Variants in IGSF21 observed in about 807,000 individuals in gnomAD.
The protein encoded by IGSF21 is immunoglobulin superfamily member 21.
IGSF21 carries 28 observed loss-of-function variants against 46.8 expected under a neutral mutation model. That is an observed-to-expected ratio of 0.60 (90% CI 0.44 to 0.82). The LOEUF is 0.82. IGSF21 is among the 40% of genes least tolerant of loss of function. The pLI is 0.00. For missense variants in IGSF21, 624 were observed against 665.5 expected (o/e 0.94, Z 0.69); for synonymous variants, 284 against 273.6 (o/e 1.04, Z -0.38).
intron 4 of IGSF21, among the ~76,000 whole-genome samples, chr1:18,353,085 A>G (rs1440107747): frequency 6.6e-6 from 1 of 151,666 alleles, no homozygotes; most frequent in East Asian, 1.9e-4. Context: ...ATAAGCACAG[A>G]CGCAGCGTTT....
intron 2 of IGSF21, among the ~76,000 whole-genome samples, chr1:18,274,843 C>T (rs527664107): frequency 6.6e-6 from 1 of 152,098 alleles, no homozygotes; most frequent in Non-Finnish European, 1.5e-5. Flanking sequence ...CTGGCCAACA[C>T]GGTGAAACCC....
intron 2 of IGSF21, among the ~76,000 whole-genome samples, chr1:18,271,170 A>C (rs12401665): frequency 0.24 from 36,513 of 151,836 alleles, 4,754 homozygotes; most frequent in African/African-American, 0.34. Context: ...TGCTTACATG[A>C]CTCTGAGGAT....
intron 4 of IGSF21, among the ~76,000 whole-genome samples, chr1:18,351,145 G>T (rs1386724961): frequency 6.6e-6 from 1 of 152,138 alleles, no homozygotes; most frequent in Admixed American, 6.5e-5. Context: ...CGCTGAGACG[G>T]AATCTTCAGC....
At position 18,329,350 on chromosome 1, in the gene IGSF21, T is replaced by C. The variant is rs1333286856; in HGVS notation, c.306-5542T>C. ...GGTGTCATAGCACCCATGTATCAGA[T>C]GGAGAAACCGAAGCTCAAAGAAGCC... is the stretch of plus-strand genomic sequence containing the variant. On this transcript the variant is annotated intron_variant, in intron 3 of 9. Transcript: ENST00000251296. Among the ~76,000 whole-genome samples, 3 of 152,204 alleles carry C rather than the reference T, an allele frequency of 2.0e-5. No individual in the cohort carries two copies. The South Asian group carries it at 6.2e-4, about 31-fold the overall frequency.
chr1:18,359,961 C>T (rs2086081984), intron 4 of IGSF21, among the ~76,000 whole-genome samples: 1 of 152,212 alleles, frequency 6.6e-6, no homozygotes, highest in South Asian at 2.1e-4. Flanking sequence ...GGCTCTTCCT[C>T]ATACTGGCAC....
At chr1:18,177,780 A>G (rs978839102) in intron 1 of IGSF21, among the ~76,000 whole-genome samples, 3 of 152,160 alleles carry the variant, frequency 2.0e-5, no homozygotes, top group African/African-American at 7.2e-5. Flanking sequence ...TGGCACATAT[A>G]TGTTAAAAAG....
chr1:18,128,666 G>A (rs567979644), intron 1 of IGSF21, among the ~76,000 whole-genome samples: 1 of 152,282 alleles, frequency 6.6e-6, no homozygotes, highest in Admixed American at 6.5e-5. Context: ...GGGCCCTACT[G>A]TATTCTCCAT....
rs2124607088 is a variant in IGSF21, at chr1:18,335,988, G to A, written c.424+978G>A. ...TCTGATAAAGGAACTAGCAGCGTTTGGGTGCCTGGCCCTGGGTTGGCCACA... is the reference window on the plus strand; with the variant it reads ...TCTGATAAAGGAACTAGCAGCGTTTAGGTGCCTGGCCCTGGGTTGGCCACA... On this transcript the variant is annotated intron_variant, in intron 4 of 9. Coordinates refer to ENST00000251296, the MANE Select transcript of IGSF21 (RefSeq NM_032880.5). The surrounding 1 kb of genome is among the most constrained non-coding windows in gnomAD (Gnocchi z 4.8). Among the ~76,000 whole-genome samples the A allele has an allele frequency of 6.6e-6, 1 of 152,316 alleles. No individual in the cohort carries two copies. Among genetic ancestry groups the A allele is most frequent in the African/African-American group, 2.4e-5 (1 of 41,582 alleles).
At chr1:18,114,527 C>T (rs1449061347) in intron 1 of IGSF21, 1 of 152,222 alleles carries the variant, frequency 6.6e-6, no homozygotes, top group Admixed American at 6.5e-5. Context: ...AGGTGGACTT[C>T]CTGGCAGCAA....
At chr1:18,232,554 G>A (rs528984204) in intron 2 of IGSF21, among the ~76,000 whole-genome samples, 5 of 152,232 alleles carry the variant, frequency 3.3e-5, no homozygotes, top group South Asian at 4.1e-4. Flanking sequence ...GAGGCCATTC[G>A]AAGAGACTGT....
rs967613235 is a variant in IGSF21, at chr1:18,264,190, G to A, written c.184-27676G>A. Among the ~76,000 whole-genome samples, 111 of 152,204 alleles carry A rather than the reference G, an allele frequency of 7.3e-4. 1 individual carries two copies. Among genetic ancestry groups the A allele is most frequent in the Non-Finnish European group, 4.4e-4 (30 of 68,018 alleles). On this transcript the variant is annotated intron_variant, in intron 2 of 9. Transcript: ENST00000251296. ...TGCAGTCCCCTCCTTCTGTATGAGG[G>A]GATGGCCCTATTTCCCCCTCTCTCA...
intron 1 of IGSF21, among the ~76,000 whole-genome samples, chr1:18,137,156 G>A (rs939312540): frequency 6.6e-6 from 1 of 152,198 alleles, no homozygotes; most frequent in African/African-American, 2.4e-5. Context: ...TGAAGGGGGA[G>A]CAGGTGCATT....
rs1242381754 is a variant in IGSF21 at position 18,334,235 on chromosome 1, C to T, written c.306-657C>T. 6.6e-6 allele frequency among the ~76,000 whole-genome samples: 1 copy of T among 152,202 alleles called. No individual in the cohort carries two copies. The highest frequency in any genetic ancestry group is 1.5e-5 in the Non-Finnish European group (1 of 68,042). On this transcript the variant is annotated intron_variant, in intron 3 of 9. Transcript: ENST00000251296. The surrounding 1 kb of genome is among the most constrained non-coding windows in gnomAD (Gnocchi z 4.3). Reference sequence around the variant, plus strand: ...TGAGCTCAGATAAGCTCACGCTTTTCCATGTGAGTGTGGAACCCAGATCAG... The same window carrying T: ...TGAGCTCAGATAAGCTCACGCTTTTTCATGTGAGTGTGGAACCCAGATCAG...
chr1:18,120,293 C>T (rs985113810), intron 1 of IGSF21, among the ~76,000 whole-genome samples: 9 of 152,298 alleles, frequency 5.9e-5, no homozygotes, highest in African/African-American at 1.4e-4. Flanking sequence ...GACAGCCAGG[C>T]GGCCCTGTGT....
chr1:18,281,346 G>A (rs553387880), intron 2 of IGSF21, among the ~76,000 whole-genome samples: 2 of 152,152 alleles, frequency 1.3e-5, no homozygotes, highest in African/African-American at 2.4e-5. Context: ...ATCACCCTGA[G>A]GTCAGGAGTT....
chr1:18,273,365 C>A (rs2085063288), intron 2 of IGSF21, among the ~76,000 whole-genome samples: 6 of 134,964 alleles, frequency 4.4e-5, no homozygotes, highest in South Asian at 2.6e-4. Flanking sequence ...CTTTCCTTTC[C>A]TTTCCTTTCC....
intron 1 of IGSF21, among the ~76,000 whole-genome samples, chr1:18,155,501 G>A (rs1032731310): frequency 3.9e-5 from 6 of 152,228 alleles, no homozygotes; most frequent in African/African-American, 1.4e-4. Flanking sequence ...GTCAGAAAAA[G>A]GGGTCCCACC....
At chr1:18,214,324 G>A (rs1032196700) in intron 1 of IGSF21, among the ~76,000 whole-genome samples, 1 of 152,174 alleles carries the variant, frequency 6.6e-6, no homozygotes, top group Non-Finnish European at 1.5e-5. Context: ...ATCATTTGAG[G>A]TCCCTGGTGG....
At chr1:18,367,600 T>TCC in intron 6 of IGSF21, among the ~76,000 whole-genome samples, 1 of 101,370 alleles carries the variant, frequency 9.9e-6, no homozygotes, top group African/African-American at 3.9e-5. Context: ...TCTCTCTCTC[T>TCC]CTCTTTTTTT....
Sources: allele counts gnomAD v4.1 joint callset (sites outside exome capture counted in the v4.1 genomes callset), GRCh38; gene constraint gnomAD v4.1.1; non-coding constraint Gnocchi (gnomAD v3.1); transcripts MANE v1.5; gene names NCBI Gene and HGNC (gene_info 2026-07-23, HGNC 2026-07-21).